FAM217A: variants seen among roughly 807,000 people sequenced by gnomAD.
The protein encoded by FAM217A is protein FAM217A.
In FAM217A, 13 loss-of-function variants were observed where a neutral mutation model predicts 18.5. That is an observed-to-expected ratio of 0.70 (90% confidence interval 0.46 to 1.12). FAM217A has a LOEUF of 1.12. FAM217A is among the 50% of genes most tolerant of loss of function. FAM217A has a pLI of 0.00. For synonymous variants in FAM217A, 161 were observed against 202.8 expected, an observed-to-expected ratio of 0.79 and a Z score of 1.75; for missense variants, 560 against 575.4, an observed-to-expected ratio of 0.97 and a Z score of 0.27.
chr6:4,083,276 CACTG>C (rs1157773624), upstream of FAM217A, among the ~76,000 whole-genome samples: 1 of 152,242 alleles, frequency 6.6e-6, no homozygotes, highest in Non-Finnish European at 1.5e-5. Context: ...AAGGCGATGA[CACTG>C]ACTACCACGT....
At chr6:4,070,337 G>A (rs947169163) in intron 6 of FAM217A, among the ~76,000 whole-genome samples, 21 of 152,224 alleles carry the variant, frequency 1.4e-4, no homozygotes, top group African/African-American at 5.1e-4. Context: ...TTAGATAAAA[G>A]GAAACTCAAA....
In FAM217A at chr6:4,069,677, A is replaced by G. The variant is rs1199232222; in HGVS notation, c.546T>C (p.Pro182=). The G allele has an allele frequency of 6.2e-7, 1 of 1,614,190 alleles. No homozygotes were observed. Among genetic ancestry groups the G allele is most frequent in the Non-Finnish European group, 8.5e-7 (1 of 1,180,034 alleles). ...CATGTTTCAAATTCCAATTTGGAGC[A>G]GGTAATGTTTCACCATCATTGTTTT... ...TIENNDGETL[P]APNWNLKHGN... Residue 182 remains proline, a synonymous_variant, in exon 7 of 7, where the codon CCT becomes CCC. Coordinates refer to ENST00000274673, the MANE Select transcript of FAM217A (RefSeq NM_173563.3).
chr6:4,078,835 CG>C lies in FAM217A; in HGVS notation c.-35+16del, dbSNP rs993270764. The C allele has an allele frequency of 2.2e-6, 1 of 452,698 alleles. No homozygotes were observed. Among genetic ancestry groups the C allele is most frequent in the Non-Finnish European group, 3.9e-6 (1 of 253,420 alleles). The allele number at this position is 452,698 out of a possible 1,614,324, so 28.0% of individuals were successfully genotyped here. On this transcript the variant is annotated intron_variant, in intron 1 of 6. Transcript: ENST00000274673. ...AGGGGGCTGCGGGATTCCCCGGGGC[CG>C]GGGCTCTCAACCCACCGCGCGAAGG...
chr6:4,085,311 A>AAAAATATAT (rs377046907), intron 1 of FAM217A, among the ~76,000 whole-genome samples: 7 of 146,420 alleles, frequency 4.8e-5, no homozygotes, highest in African/African-American at 1.7e-4. Flanking sequence ...TGTAAAAAAA[A>AAAAATATAT]ATATATATAT....
At chr6:4,084,628 C>A (rs933318377) in exon 2 of FAM217A, 1 of 703,026 alleles carries the variant, frequency 1.4e-6, no homozygotes, top group Middle Eastern at 2.3e-4. Flanking sequence ...GGTCGTCAGA[C>A]CCCTCCCACC....
chr6:4,074,729 T>C, intron 2 of FAM217A, 68 bp from the exon 3 acceptor site: 5 of 1,196,444 alleles, frequency 4.2e-6, no homozygotes, highest in South Asian at 1.3e-5. Context: ...TAATTTCACA[T>C]GTTCTTGGGG....
At chr6:4,080,585 C>T (rs1385936310), upstream of FAM217A, among the ~76,000 whole-genome samples, 3 of 152,162 alleles carry the variant, frequency 2.0e-5, no homozygotes, top group Admixed American at 6.5e-5. Context: ...TCTCTTCCTT[C>T]GGCTGTTTTC....
At chr6:4,070,441 T>TA (rs1421435510) in intron 6 of FAM217A, among the ~76,000 whole-genome samples, 1 of 152,220 alleles carries the variant, frequency 6.6e-6, no homozygotes, top group East Asian at 1.9e-4. Context: ...CAATACCTAT[T>TA]AAAAATTATC....
At position 4,084,645 on chromosome 6, in the gene FAM217A, G is replaced by A. The variant is rs150371731; in HGVS notation, c.184C>T (p.Gln62Ter). 5.7e-4 allele frequency: 401 copies of A among 702,952 alleles called. No homozygotes were observed. The East Asian group carries it at 0.01, about 18-fold the overall frequency. The allele number at this position is 702,952 out of a possible 1,614,324, so 43.5% of individuals were successfully genotyped here. The change falls in exon 2 of 9, where the codon CAA becomes TAA. Residue 62 changes from glutamine (Q) to a stop codon, truncating the protein, a stop_gained. Transcript: ENST00000639338. LOFTEE classifies it high-confidence loss of function. ...TCGTCAGACCCCTCCCACCTCATTTGTTGTGAACAGAACACTTTCTTTAGA... is the reference window on the plus strand; with the variant it reads ...TCGTCAGACCCCTCCCACCTCATTTATTGTGAACAGAACACTTTCTTTAGA...
upstream of FAM217A, chr6:4,079,740 CTA>C (rs1363749460): frequency 1.0e-6 from 1 of 993,344 alleles, no homozygotes; most frequent in East Asian, 7.4e-5. Context: ...GAAGTTATAT[CTA>C]TGCTTGTACA....
chr6:4,078,375 G>A (rs539830442), intron 1 of FAM217A, among the ~76,000 whole-genome samples: 2 of 152,122 alleles, frequency 1.3e-5, no homozygotes, highest in African/African-American at 4.8e-5. Flanking sequence ...TAAAGCCACC[G>A]CAGTAATCGG....
intron 1 of FAM217A, among the ~76,000 whole-genome samples, chr6:4,084,999 C>T (rs757540303): frequency 5.9e-4 from 90 of 152,080 alleles, no homozygotes; most frequent in East Asian, 4.4e-3. Context: ...AAAAAACTTG[C>T]GAGAAAATAA....
upstream of FAM217A, chr6:4,079,611 G>C: frequency 7.8e-7 from 1 of 1,285,642 alleles, no homozygotes; most frequent in Non-Finnish European, 1.0e-6. Context: ...TCTGGGACCC[G>C]GGGCCCGGCC....
At position 4,078,757 on chromosome 6, in the gene FAM217A, C is replaced by T. The variant is rs1369540191; in HGVS notation, c.-35+95G>A. The T allele has an allele frequency of 3.7e-5, 15 of 407,700 alleles. 1 individual carries two copies. The South Asian group carries it at 1.2e-3, about 32-fold the overall frequency. The allele number at this position is 407,700 out of a possible 1,614,324, so 25.3% of individuals were successfully genotyped here. A position where few individuals can be genotyped will look rare whatever the true frequency, so the allele number is the denominator to read the frequency against. ...CCCCCGTGAAGAGGAATCCCCTTTT[C>T]CTCCTGAGCTGTGGCCGGACTGGGT... On this transcript the variant is annotated intron_variant, in intron 1 of 6. Transcript: ENST00000274673.
Position 4,068,683 on chromosome 6 carries a change from TGAAA to T in FAM217A, c.*9_*12del. 1.3e-6 allele frequency: 2 copies of T among 1,577,560 alleles called. No individual in the cohort carries two copies. The highest frequency in any genetic ancestry group is 1.7e-6 in the Non-Finnish European group (2 of 1,165,976). On this transcript the variant is annotated 3_prime_UTR_variant, in exon 7 of 7. Coordinates refer to ENST00000274673, the MANE Select transcript of FAM217A (RefSeq NM_173563.3). ...GTAGATGTGTTCACATTGAGATGTA[TGAAA>T]GAAAAGAGTTATTTTTGTTCAATGG...
chr6:4,073,551 C>A, intron 4 of FAM217A, 44 bp from the exon 5 acceptor site: 2 of 1,476,208 alleles, frequency 1.4e-6, no homozygotes, highest in South Asian at 1.2e-5. Flanking sequence ...TATCTCTGTT[C>A]CCTATTCTTG....
chr6:4,085,309 A>G (rs973338706), intron 1 of FAM217A, among the ~76,000 whole-genome samples: 1 of 114,382 alleles, frequency 8.7e-6, no homozygotes, highest in Admixed American at 9.3e-5. Context: ...ATTGTAAAAA[A>G]AAATATATAT....
At chr6:4,083,988 G>A (rs1375926823), upstream of FAM217A, among the ~76,000 whole-genome samples, 1 of 151,988 alleles carries the variant, frequency 6.6e-6, no homozygotes, top group African/African-American at 2.4e-5. Flanking sequence ...TTCAATTATG[G>A]GCAATCTGTA....
Position 4,068,584 on chromosome 6 carries a change from T to C in FAM217A, c.*112A>G. The C allele has an allele frequency of 3.3e-6, 4 of 1,204,104 alleles. No homozygotes were observed. The highest frequency in any genetic ancestry group is 3.5e-6 in the Non-Finnish European group (3 of 867,820). The allele number at this position is 1,204,104 out of a possible 1,614,324, so 74.6% of individuals were successfully genotyped here. A position where few individuals can be genotyped will look rare whatever the true frequency, so the allele number is the denominator to read the frequency against. ...CTCCATATCACATCAAGCAACTGTTTGGTGATTTTGGGGGACTGTTAATAG... is the reference window on the plus strand; with the variant it reads ...CTCCATATCACATCAAGCAACTGTTCGGTGATTTTGGGGGACTGTTAATAG... On this transcript the variant is annotated 3_prime_UTR_variant, in exon 7 of 7. Coordinates refer to ENST00000274673, the MANE Select transcript of FAM217A (RefSeq NM_173563.3).
Sources: allele counts gnomAD v4.1 joint callset (sites outside exome capture counted in the v4.1 genomes callset), GRCh38; gene constraint gnomAD v4.1.1; transcripts MANE v1.5; gene names NCBI Gene and HGNC (gene_info 2026-07-23, HGNC 2026-07-21).